GRIN2B: variants seen among roughly 807,000 people sequenced by gnomAD.
The protein encoded by GRIN2B is glutamate ionotropic receptor NMDA type subunit 2B, also known as glutamate receptor ionotropic, NMDA 2B.
GRIN2B carries 5 observed loss-of-function variants against 114.5 expected under a neutral mutation model. The ratio of observed to expected loss-of-function variants is 0.04; its 90% CI spans 0.02 to 0.09. The LOEUF is 0.09. Ranked by LOEUF, GRIN2B falls within the 10% of genes least tolerant of loss-of-function variation. GRIN2B has a pLI of 1.00. For synonymous variants in GRIN2B, 787 were observed against 745.1 expected, an observed-to-expected ratio of 1.06 and a Z score of -0.92; for missense variants, 1,108 against 1,943.5, an observed-to-expected ratio of 0.57 and a Z score of 8.08.
intron 2 of GRIN2B, among the ~76,000 whole-genome samples, chr12:13,903,593 C>T (rs573411489): frequency 6.6e-6 from 1 of 152,164 alleles, no homozygotes; most frequent in African/African-American, 2.4e-5. Flanking sequence ...GCCTTAATTT[C>T]AGTCCCTTTG....
At chr12:13,860,367 C>T (rs1401947764) in intron 3 of GRIN2B, among the ~76,000 whole-genome samples, 1 of 152,160 alleles carries the variant, frequency 6.6e-6, no homozygotes, top group Non-Finnish European at 1.5e-5. Flanking sequence ...CTCGCTCTGT[C>T]ACTCAGGCTG....
intron 3 of GRIN2B, among the ~76,000 whole-genome samples, chr12:13,832,501 T>C (rs1865168425): frequency 6.6e-6 from 1 of 152,218 alleles, no homozygotes; most frequent in Non-Finnish European, 1.5e-5. Context: ...GTCTGTCTGA[T>C]TTGCCACCCT....
chr12:13,574,878 G>T (rs1356250185), intron 10 of GRIN2B, among the ~76,000 whole-genome samples: 1 of 152,174 alleles, frequency 6.6e-6, no homozygotes, highest in Non-Finnish European at 1.5e-5. Context: ...TGGCATTAGC[G>T]TACAGTCAGA....
In GRIN2B at chr12:13,546,439, A is replaced by T. The variant is rs1292874203; in HGVS notation, c.*16344T>A. On this transcript the variant is annotated 3_prime_UTR_variant, in exon 14 of 14. Transcript: ENST00000609686. ...CTTCTGCCAGAGCTCACAGGGAATG[A>T]CAAATCTCTGAGGGAATACACCAGA... The T allele has an allele frequency of 1.3e-5, 2 of 152,220 alleles. No homozygotes were observed. The highest frequency in any genetic ancestry group is 2.9e-5 in the Non-Finnish European group (2 of 68,024). 9.4% of individuals were successfully genotyped at this position (152,220 alleles called of 1,614,324 possible). A position where few individuals can be genotyped will look rare whatever the true frequency, so the allele number is the denominator to read the frequency against.
At chr12:13,567,897 A>G (rs1416702091) in intron 12 of GRIN2B, among the ~76,000 whole-genome samples, 6 of 152,214 alleles carry the variant, frequency 3.9e-5, no homozygotes, top group East Asian at 1.9e-4. Context: ...TGTACTTTAT[A>G]TTATAGACAG....
chr12:13,878,536 C>T (rs538590700), intron 2 of GRIN2B, among the ~76,000 whole-genome samples: 17 of 152,326 alleles, frequency 1.1e-4, no homozygotes, highest in Middle Eastern at 3.4e-3. Flanking sequence ...AAATTGAGTG[C>T]GGCTTCTGTG....
chr12:13,623,965 T>C (rs1051831920), intron 5 of GRIN2B, among the ~76,000 whole-genome samples: 4 of 152,146 alleles, frequency 2.6e-5, no homozygotes, highest in African/African-American at 9.7e-5. Context: ...CACATGACCT[T>C]CCCCTGCCTG....
intron 3 of GRIN2B, among the ~76,000 whole-genome samples, chr12:13,815,412 T>C (rs1247978147): frequency 3.3e-5 from 5 of 151,326 alleles, no homozygotes; most frequent in Admixed American, 3.3e-4. Flanking sequence ...TCTGACACCG[T>C]AACAACAAAA....
In GRIN2B at chr12:13,562,739, A is replaced by T. The variant is rs1565452343; in HGVS notation, c.*44T>A. On this transcript the variant is annotated 3_prime_UTR_variant, in exon 14 of 14. Coordinates refer to ENST00000609686, the MANE Select transcript of GRIN2B (RefSeq NM_000834.5). ...GTGACATGCGCATCACGCGACCCACAGCCTTACCCTCCCGTACCCACCTTA... is the reference window on the plus strand; with the variant it reads ...GTGACATGCGCATCACGCGACCCACTGCCTTACCCTCCCGTACCCACCTTA... The T allele has an allele frequency of 6.6e-7, 1 of 1,517,934 alleles. No homozygotes were observed. Among genetic ancestry groups the T allele is most frequent in the East Asian group, 2.3e-5 (1 of 44,440 alleles). The allele number at this position is 1,517,934 out of a possible 1,614,324, so 94.0% of individuals were successfully genotyped here.
chr12:13,688,584 G>C (rs1950189870), intron 4 of GRIN2B, among the ~76,000 whole-genome samples: 1 of 152,194 alleles, frequency 6.6e-6, no homozygotes, highest in Non-Finnish European at 1.5e-5. Flanking sequence ...CAGTAAGCTT[G>C]ACTGGACTTA....
At chr12:13,642,841 C>T (rs985200113) in intron 5 of GRIN2B, among the ~76,000 whole-genome samples, 2 of 152,144 alleles carry the variant, frequency 1.3e-5, no homozygotes, top group African/African-American at 2.4e-5. Flanking sequence ...AGTGACTGCT[C>T]AGGGCCATGG....
At chr12:13,948,979 G>A (rs1867421613) in intron 2 of GRIN2B, among the ~76,000 whole-genome samples, 1 of 152,194 alleles carries the variant, frequency 6.6e-6, no homozygotes, top group Admixed American at 6.5e-5. Flanking sequence ...AGGGAAAGCA[G>A]TCTTAAGAGA....
At chr12:13,850,586 C>T (rs903644079) in intron 3 of GRIN2B, among the ~76,000 whole-genome samples, 2 of 152,158 alleles carry the variant, frequency 1.3e-5, no homozygotes, top group Admixed American at 1.3e-4. Context: ...TCTTGTCTTT[C>T]ATCCCACTCT....
At chr12:13,738,139 G>A (rs1430643417) in intron 4 of GRIN2B, among the ~76,000 whole-genome samples, 3 of 17,774 alleles carry the variant, frequency 1.7e-4, no homozygotes, top group Non-Finnish European at 3.4e-4. Flanking sequence ...TCTTACCTTG[G>A]CACTTACCCT....
At position 13,647,803 on chromosome 12, in the gene GRIN2B, T is replaced by G. The variant is rs1358453991; in HGVS notation, c.1125+27942A>C. 2.0e-5 allele frequency among the ~76,000 whole-genome samples: 3 copies of G among 152,072 alleles called. No homozygotes were observed. The East Asian group carries it at 5.8e-4, about 29-fold the overall frequency. On this transcript the variant is annotated intron_variant, in intron 5 of 13. Transcript: ENST00000609686. ...CTGAGGGTCACAAATAATGAGCCTCTCACCAGGAATACCCCAGAGGCAGAA... is the reference window on the plus strand; with the variant it reads ...CTGAGGGTCACAAATAATGAGCCTCGCACCAGGAATACCCCAGAGGCAGAA...
intron 3 of GRIN2B, among the ~76,000 whole-genome samples, chr12:13,822,820 C>T (rs1020499915): frequency 1.3e-5 from 2 of 152,048 alleles, no homozygotes; most frequent in African/African-American, 2.4e-5. Context: ...ACTGGCGTTC[C>T]AATCTTTCTT....
At chr12:13,626,187 A>G (rs988001316) in intron 5 of GRIN2B, among the ~76,000 whole-genome samples, 1 of 152,144 alleles carries the variant, frequency 6.6e-6, no homozygotes, top group African/African-American at 2.4e-5. Context: ...TGGGTCCCAA[A>G]CCATCTTCTG....
chr12:13,896,028 C>T (rs1233409122), intron 2 of GRIN2B, among the ~76,000 whole-genome samples: 13 of 152,164 alleles, frequency 8.5e-5, no homozygotes, highest in Admixed American at 8.5e-4. Context: ...TTAATCTATA[C>T]TATTTCAACA....
intron 2 of GRIN2B, among the ~76,000 whole-genome samples, chr12:13,869,992 C>A (rs895223632): frequency 2.6e-5 from 4 of 152,144 alleles, no homozygotes; most frequent in Admixed American, 6.5e-5. Flanking sequence ...AAGGATATTA[C>A]GTTTAAGCTT....
Sources: gnomAD v4.1 joint callset for allele counts (sites outside exome capture counted in the v4.1 genomes callset) on GRCh38, gnomAD v4.1.1 for gene constraint, MANE v1.5 for transcripts, NCBI Gene and HGNC (gene_info 2026-07-23, HGNC 2026-07-21) for gene names.